PNLDC1: variants seen among roughly 807,000 people sequenced by gnomAD.
The protein encoded by PNLDC1 is PARN like ribonuclease domain containing exonuclease 1.
A neutral mutation model predicts 82.0 loss-of-function variants in PNLDC1; 70 were observed. That is an observed-to-expected ratio of 0.85 (90% CI 0.70 to 1.04). The LOEUF is 1.04. Ranked by LOEUF, PNLDC1 falls within the 50% of genes least tolerant of loss-of-function variation. PNLDC1 has a pLI of 0.00. For missense variants in PNLDC1, 631 were observed against 661.1 expected, an observed-to-expected ratio of 0.95 and a Z score of 0.50; for synonymous variants, 280 against 249.3, an observed-to-expected ratio of 1.12 and a Z score of -1.16.
At chr6:159,808,304 G>T (rs1003401670) in intron 7 of PNLDC1, among the ~76,000 whole-genome samples, 4 of 152,188 alleles carry the variant, frequency 2.6e-5, no homozygotes, top group African/African-American at 9.6e-5. Flanking sequence ...AAATATTAGA[G>T]ATTTGCAAAA....
In PNLDC1 at chr6:159,816,559, C is replaced by T; in HGVS notation, c.1077C>T (p.Pro359=). The T allele has an allele frequency of 6.2e-7, 1 of 1,613,896 alleles. No homozygotes were observed. Among genetic ancestry groups the T allele is most frequent in the Non-Finnish European group, 8.5e-7 (1 of 1,179,944 alleles). Reference sequence around the variant, plus strand: ...ATGCCTCAGTTGAGACAAAGTGCCCCCACGAAGCCGCGTATGATGCCTTCC... The same window carrying T: ...ATGCCTCAGTTGAGACAAAGTGCCCTCACGAAGCCGCGTATGATGCCTTCC... The part of the protein sequence containing the change: ...RCEKYVETKC[P]HEAAYDAFLC... Residue 359 remains proline, a synonymous_variant, in exon 14 of 19, where the codon CCC becomes CCT. Transcript: ENST00000392167.
intron 11 of PNLDC1, among the ~76,000 whole-genome samples, chr6:159,812,697 G>A (rs900940052): frequency 6.6e-6 from 1 of 152,134 alleles, no homozygotes; most frequent in Non-Finnish European, 1.5e-5. Flanking sequence ...AGAGAAAAGC[G>A]ACCTGACTGG....
chr6:159,813,702 G>A (rs1340037254), intron 12 of PNLDC1, 46 bp downstream of exon 12: 9 of 1,553,178 alleles, frequency 5.8e-6, no homozygotes, highest in South Asian at 2.2e-5. Flanking sequence ...GGCCTTGGTG[G>A]CCTCCCTGTG....
At chr6:159,805,640 T>C (rs1165833681) in intron 6 of PNLDC1, 2 of 205,484 alleles carry the variant, frequency 9.7e-6, no homozygotes, top group Middle Eastern at 2.0e-3. Context: ...TTATCCCAGA[T>C]AGAGACTTTA....
At chr6:159,804,147 C>T (rs1026093504) in intron 5 of PNLDC1, 59 bp downstream of exon 5, 21 of 1,583,166 alleles carry the variant, frequency 1.3e-5, no homozygotes, top group Middle Eastern at 1.7e-4. Flanking sequence ...GATGGAGTCT[C>T]GCTCTGTTGC....
At chr6:159,820,359 G>T in intron 18 of PNLDC1, 95 bp from the exon 19 acceptor site, 1 of 1,167,954 alleles carries the variant, frequency 8.6e-7, no homozygotes, top group South Asian at 1.2e-5. Flanking sequence ...GAACATCTGA[G>T]TGCACGGGGC....
chr6:159,808,638 C>T, intron 7 of PNLDC1, 102 bp from the exon 8 acceptor site: 2 of 1,125,796 alleles, frequency 1.8e-6, no homozygotes, highest in East Asian at 5.2e-5. Context: ...TCCCTTTCCA[C>T]TTGACCTTTC....
In PNLDC1 at chr6:159,811,687, G is replaced by GT. The variant is rs1781649916; in HGVS notation, c.854-9dup. 6.2e-7 allele frequency: 1 copy of GT among 1,607,574 alleles called. No individual in the cohort carries two copies. The highest frequency in any genetic ancestry group is 8.5e-7 in the Non-Finnish European group (1 of 1,174,802). On this transcript the variant is annotated splice_polypyrimidine_tract_variant and intron_variant, in intron 10 of 18. Coordinates refer to ENST00000392167, the MANE Select transcript of PNLDC1 (RefSeq NM_001271862.2). ...AACAAATTCACTCTTGACTACCTGG[G>GT]TTTTTCCCCTCAGAAAGCTACGATC...
Position 159,805,347 on chromosome 6 carries a change from C to T in PNLDC1, c.462-636C>T, listed in dbSNP as rs114420112. 3.8e-3 allele frequency among the ~76,000 whole-genome samples: 578 copies of T among 152,238 alleles called. 1 individual carries two copies. Among genetic ancestry groups the T allele is most frequent in the African/African-American group, 0.013 (547 of 41,532 alleles). Reference sequence around the variant, plus strand: ...TTGAACAAGGTATGGAAGCTCTTTGCCTTTATCAGGAAGGGGGAGATTAAA... The same window carrying T: ...TTGAACAAGGTATGGAAGCTCTTTGTCTTTATCAGGAAGGGGGAGATTAAA... On this transcript the variant is annotated intron_variant, in intron 6 of 18. Coordinates refer to ENST00000392167, the MANE Select transcript of PNLDC1 (RefSeq NM_001271862.2).
chr6:159,819,050 G>A lies in PNLDC1; in HGVS notation c.1362G>A (p.Gln454=), dbSNP rs1313443030. 6.2e-7 allele frequency: 1 copy of A among 1,614,018 alleles called. No individual in the cohort carries two copies. Among genetic ancestry groups the A allele is most frequent in the East Asian group, 2.2e-5 (1 of 44,874 alleles). The part of the protein sequence containing the change: ...VSEQQVYHKF[Q]NLCKFDVRRL... ...AGCAGCAAGTCTACCATAAGTTTCA[G>A]AATCTCTGCAAGTTTGATGTCAGGC... The change falls in exon 17 of 19, where the codon CAG becomes CAA. Residue 454 remains glutamine, a synonymous_variant. Coordinates refer to ENST00000392167, the MANE Select transcript of PNLDC1 (RefSeq NM_001271862.2). This position sits in a 1 kb window ranked among gnomAD's most constrained non-coding sequence, Gnocchi z 4.6.
At chr6:159,813,250 C>T (rs1562503391) in intron 11 of PNLDC1, among the ~76,000 whole-genome samples, 2 of 152,182 alleles carry the variant, frequency 1.3e-5, no homozygotes, top group Admixed American at 1.3e-4. Flanking sequence ...CCCCAAAGCC[C>T]TCTAGGCCTT....
intron 7 of PNLDC1, among the ~76,000 whole-genome samples, chr6:159,807,542 A>G (rs1781492676): frequency 6.6e-6 from 1 of 152,244 alleles, no homozygotes; most frequent in Admixed American, 6.5e-5. Flanking sequence ...AACCTTTCTG[A>G]TGAGATCAGT....
Position 159,805,971 on chromosome 6 carries a change from G to T in PNLDC1, c.462-12G>T. On this transcript the variant is annotated splice_polypyrimidine_tract_variant and intron_variant, in intron 6 of 18. Coordinates refer to ENST00000392167, the MANE Select transcript of PNLDC1 (RefSeq NM_001271862.2). ...TTCTCTGACATGTTCACTTTCATGC[G>T]CCCATTTTCAGCTCTCCGGATAAAG... The T allele has an allele frequency of 1.2e-6, 2 of 1,605,278 alleles. No homozygotes were observed. The highest frequency in any genetic ancestry group is 1.7e-6 in the Non-Finnish European group (2 of 1,171,940).
chr6:159,803,934 G>T, intron 4 of PNLDC1, 31 bp from the exon 5 acceptor site: 1 of 1,593,698 alleles, frequency 6.3e-7, no homozygotes, highest in Non-Finnish European at 8.5e-7. Flanking sequence ...AATGGTTGTG[G>T]CTTTTTCTCT....
chr6:159,813,067 C>T (rs1781695516), intron 11 of PNLDC1, among the ~76,000 whole-genome samples: 1 of 152,154 alleles, frequency 6.6e-6, no homozygotes, highest in African/African-American at 2.4e-5. Context: ...AAGGGGGCAT[C>T]AGATCAATCT....
chr6:159,804,259 C>T (rs994268250), intron 5 of PNLDC1, among the ~76,000 whole-genome samples, 171 bp downstream of exon 5: 1 of 152,152 alleles, frequency 6.6e-6, no homozygotes, highest in Admixed American at 6.5e-5. Context: ...CGCCACCATG[C>T]CCAGCTAATT....
chr6:159,799,945 C>T (rs1008482716), upstream of PNLDC1, among the ~76,000 whole-genome samples: 1 of 152,164 alleles, frequency 6.6e-6, no homozygotes, highest in African/African-American at 2.4e-5. Flanking sequence ...TGTTCCTGCT[C>T]CGCTTTTCTG....
chr6:159,819,789 C>A lies in PNLDC1; in HGVS notation c.1532+437C>A, dbSNP rs1202572989. 6.6e-6 allele frequency among the ~76,000 whole-genome samples: 1 copy of A among 151,936 alleles called. No homozygotes were observed. Among genetic ancestry groups the A allele is most frequent in the South Asian group, 2.1e-4 (1 of 4,808 alleles). Reference sequence around the variant, plus strand: ...GGAGGGGGCAGCAGGACGGAGCCTTCCAGTCAGGAGGTGCCCGGAGTGTCA... The same window carrying A: ...GGAGGGGGCAGCAGGACGGAGCCTTACAGTCAGGAGGTGCCCGGAGTGTCA... On this transcript the variant is annotated intron_variant, in intron 18 of 18. Coordinates refer to ENST00000392167, the MANE Select transcript of PNLDC1 (RefSeq NM_001271862.2). The surrounding 1 kb of genome is among the most constrained non-coding windows in gnomAD (Gnocchi z 4.6).
In PNLDC1 at chr6:159,801,725, C is replaced by T. The variant is rs191707329; in HGVS notation, c.208+539C>T. On this transcript the variant is annotated intron_variant, in intron 3 of 18. Transcript: ENST00000392167. ...CCTCTCAAAGTGATGGAATTATAAG[C>T]GTGAGCAACCACACCTGGCCTGTGA... Among the ~76,000 whole-genome samples the T allele has an allele frequency of 1.4e-3, 219 of 152,006 alleles. 1 individual carries two copies. The highest frequency in any genetic ancestry group is 5.1e-3 in the African/African-American group (210 of 41,418).
Sources: allele counts gnomAD v4.1 joint callset (sites outside exome capture counted in the v4.1 genomes callset), GRCh38; gene constraint gnomAD v4.1.1; non-coding constraint Gnocchi (gnomAD v3.1); transcripts MANE v1.5; gene names NCBI Gene and HGNC (gene_info 2026-07-23, HGNC 2026-07-21).